Variants in AGMO observed in about 807,000 individuals in gnomAD.
AGMO encodes the protein alkylglycerol monooxygenase, also known as glyceryl-ether monooxygenase.
Under a neutral mutation model 60.2 loss-of-function variants are expected in AGMO, and 75 were observed. The observed-to-expected ratio is 1.25, with a 90% CI of 1.03 to 1.51. The LOEUF (loss-of-function observed/expected upper bound fraction) is 1.51, where lower values mean the gene tolerates loss of function less well. AGMO is among the 40% of genes most tolerant of loss of function. The pLI, the probability that AGMO is intolerant of heterozygous loss-of-function variation, is 0.00. For missense variants in AGMO, 763 were observed against 525.5 expected, an observed-to-expected ratio of 1.45 and a Z score of -4.42; for synonymous variants, 261 against 177.1, an observed-to-expected ratio of 1.47 and a Z score of -3.76.
the AGMO span, among the ~76,000 whole-genome samples, chr7:15,187,237 T>G: frequency 7.4e-3 from 1,127 of 152,330 alleles, 18 homozygotes; most frequent in African/African-American, 0.026. Flanking sequence ...AGAGTATCTA[T>G]GGTTTATTCT....
At chr7:15,461,704 T>C (rs1298825649) in intron 3 of AGMO, among the ~76,000 whole-genome samples, 2 of 152,048 alleles carry the variant, frequency 1.3e-5, no homozygotes, top group Admixed American at 1.3e-4. Flanking sequence ...ACTCAGTAAA[T>C]GATTCAGGAT....
At chr7:15,395,188 C>A (rs955709659) in intron 5 of AGMO, among the ~76,000 whole-genome samples, 4 of 152,116 alleles carry the variant, frequency 2.6e-5, no homozygotes, top group African/African-American at 9.7e-5. Context: ...TAAGACATGA[C>A]TCACTTTTAG....
At chr7:15,274,823 T>A (rs1193505200) in intron 12 of AGMO, among the ~76,000 whole-genome samples, 4 of 151,970 alleles carry the variant, frequency 2.6e-5, no homozygotes, top group Non-Finnish European at 5.9e-5. Context: ...TTCCTCTAGG[T>A]TTTCTAGTTT....
At chr7:15,291,835 A>G (rs1214470042) in intron 12 of AGMO, among the ~76,000 whole-genome samples, 1 of 152,168 alleles carries the variant, frequency 6.6e-6, no homozygotes, top group African/African-American at 2.4e-5. Flanking sequence ...CTGAAAGAAG[A>G]GCAATGAAGG....
chr7:15,324,796 C>T (rs953141052), intron 12 of AGMO, among the ~76,000 whole-genome samples: 2 of 152,060 alleles, frequency 1.3e-5, no homozygotes, highest in African/African-American at 2.4e-5. Flanking sequence ...CAATAGAGTT[C>T]GAGCTCCCAT....
chr7:15,546,519 C>G (rs189976204), intron 2 of AGMO, among the ~76,000 whole-genome samples: 13 of 152,338 alleles, frequency 8.5e-5, no homozygotes, highest in African/African-American at 1.2e-4. Context: ...AGCCATTCTT[C>G]CTGAGGGCAG....
chr7:15,249,679 C>T (rs770882698), intron 12 of AGMO, among the ~76,000 whole-genome samples: 8 of 151,230 alleles, frequency 5.3e-5, no homozygotes, highest in Non-Finnish European at 1.2e-4. Context: ...AACAGAGTTA[C>T]AAGGATGTGA....
intron 12 of AGMO, among the ~76,000 whole-genome samples, chr7:15,253,071 T>G (rs1415991324): frequency 1.3e-5 from 2 of 152,198 alleles, no homozygotes; most frequent in Non-Finnish European, 2.9e-5. Flanking sequence ...GCTCATGGGA[T>G]GAAGAACAAA....
chr7:15,545,628 C>A (rs1218496389), intron 2 of AGMO, among the ~76,000 whole-genome samples: 1 of 151,930 alleles, frequency 6.6e-6, no homozygotes, highest in African/African-American at 2.4e-5. Flanking sequence ...GGTATACAAA[C>A]CTAATTAAAA....
intron 3 of AGMO, among the ~76,000 whole-genome samples, chr7:15,470,246 C>T (rs1782414711): frequency 6.6e-6 from 1 of 151,834 alleles, no homozygotes; most frequent in South Asian, 2.1e-4. Context: ...TTATATTTAA[C>T]CATTGTAGGA....
Position 15,551,568 on chromosome 7 carries a change from A to G in AGMO, c.258-6645T>C, listed in dbSNP as rs1378938983. 1.5e-4 allele frequency among the ~76,000 whole-genome samples: 23 copies of G among 151,378 alleles called. No individual in the cohort carries two copies. In the East Asian group the frequency reaches 4.3e-3, roughly 28 times the overall value. ...AATCATGAGTGAACTCCCATTCACA[A>G]TTGCTTCAAAGAGAATAAAATACTT... On this transcript the variant is annotated intron_variant, in intron 2 of 12. Transcript: ENST00000342526.
intron 2 of AGMO, among the ~76,000 whole-genome samples, chr7:15,551,646 C>G (rs1399296296): frequency 4.9e-5 from 7 of 142,654 alleles, no homozygotes; most frequent in Admixed American, 1.4e-4. Context: ...GAACTACAAA[C>G]CACTGCTCAA....
the AGMO span, among the ~76,000 whole-genome samples, chr7:15,133,951 TC>T: frequency 6.6e-6 from 1 of 152,144 alleles, no homozygotes; most frequent in Admixed American, 6.6e-5. Flanking sequence ...TTGTTCCAGT[TC>T]TTAAGCACAT....
intron 12 of AGMO, among the ~76,000 whole-genome samples, chr7:15,208,395 T>C (rs900279880): frequency 2.6e-5 from 4 of 152,226 alleles, no homozygotes; most frequent in Non-Finnish European, 4.4e-5. Context: ...AATCTTCCTC[T>C]GGTGCTCACC....
At chr7:15,530,778 T>G (rs191636269) in intron 3 of AGMO, among the ~76,000 whole-genome samples, 1,675 of 87,964 alleles carry the variant, frequency 0.019, 86 homozygotes, top group African/African-American at 0.079. Context: ...CATTTCTATA[T>G]ATATTCTATA....
chr7:15,460,376 C>T (rs530767110), intron 3 of AGMO, among the ~76,000 whole-genome samples: 195 of 152,134 alleles, frequency 1.3e-3, no homozygotes, highest in African/African-American at 4.2e-3. Flanking sequence ...TTGTATCAAA[C>T]CTTAGATGGA....
the AGMO span, among the ~76,000 whole-genome samples, chr7:15,176,859 G>T: frequency 2.0e-5 from 3 of 151,930 alleles, no homozygotes; most frequent in Non-Finnish European, 4.4e-5. Flanking sequence ...GACAGAATTT[G>T]CAGGATGCTA....
At chr7:15,259,914 A>AG (rs1394891640) in intron 12 of AGMO, among the ~76,000 whole-genome samples, 2 of 148,224 alleles carry the variant, frequency 1.3e-5, no homozygotes, top group African/African-American at 5.0e-5. Context: ...AAAAAAAAAA[A>AG]AAAAAAAAAA....
In AGMO at chr7:15,387,516, T is replaced by C; in HGVS notation, c.847A>G (p.Thr283Ala). The C allele has an allele frequency of 6.2e-7, 1 of 1,612,686 alleles. No individual in the cohort carries two copies. Among genetic ancestry groups the C allele is most frequent in the Non-Finnish European group, 8.5e-7 (1 of 1,179,534 alleles). Residue 283 changes from threonine to alanine, a missense_variant, in exon 9 of 13, where the codon ACT (threonine) becomes GCT (alanine). Transcript: ENST00000342526. ...AATCCAGGTGTGGCCCAGAATGTAG[T>C]CCATATGGAAAATAAGTGATGGAAC... Reference protein sequence around the residue: ...VQFHHLFSIWTTFWATPGFFN... With the variant: ...VQFHHLFSIWATFWATPGFFN...
Sources: allele counts gnomAD v4.1 joint callset (sites outside exome capture counted in the v4.1 genomes callset), GRCh38; gene constraint gnomAD v4.1.1; transcripts MANE v1.5; gene names NCBI Gene and HGNC (gene_info 2026-07-23, HGNC 2026-07-21).